CELF2: variants seen among roughly 807,000 people sequenced by gnomAD.
The protein encoded by CELF2 is CUGBP Elav-like family member 2.
In CELF2, 8 loss-of-function variants were observed where a neutral mutation model predicts 62.6. The observed-to-expected ratio is 0.13, with a 90% confidence interval of 0.07 to 0.23. CELF2 has a LOEUF of 0.23. Among genes scored for constraint, CELF2 ranks in the 10% least tolerant of loss-of-function variants. The pLI is 1.00. For missense variants in CELF2, 333 were observed against 671.0 expected (o/e 0.50, Z 5.56); for synonymous variants, 258 against 250.0 (o/e 1.03, Z -0.30).
the CELF2 span, among the ~76,000 whole-genome samples, chr10:10,669,298 C>T: frequency 1.3e-5 from 2 of 152,178 alleles, no homozygotes; most frequent in Non-Finnish European, 2.9e-5. Flanking sequence ...ATATGTGTTG[C>T]TATTTTATGA....
chr10:10,706,008 C>T, the CELF2 span, among the ~76,000 whole-genome samples: 6 of 152,174 alleles, frequency 3.9e-5, no homozygotes, highest in Non-Finnish European at 7.3e-5. Flanking sequence ...ACATCCCAGC[C>T]GGACTGAGCT....
At chr10:10,517,438 C>G in the CELF2 span, among the ~76,000 whole-genome samples, 3 of 152,134 alleles carry the variant, frequency 2.0e-5, no homozygotes, top group African/African-American at 7.2e-5. Flanking sequence ...GGTTGTCAAC[C>G]CTTCACCACC....
chr10:10,630,582 C>A, the CELF2 span, among the ~76,000 whole-genome samples: 1 of 152,132 alleles, frequency 6.6e-6, no homozygotes, highest in Non-Finnish European at 1.5e-5. Context: ...TCACTAGATG[C>A]TGTAAAACGT....
At chr10:10,569,611 G>T in the CELF2 span, among the ~76,000 whole-genome samples, 12 of 152,152 alleles carry the variant, frequency 7.9e-5, no homozygotes, top group African/African-American at 2.9e-4. Flanking sequence ...CAGTTGGGTT[G>T]TGCAGAAGAA....
chr10:11,282,023 G>GGGCGA (rs1480303254), intron 8 of CELF2, among the ~76,000 whole-genome samples: 1 of 152,132 alleles, frequency 6.6e-6, no homozygotes, highest in Admixed American at 6.5e-5. Flanking sequence ...TGTTGTGGTG[G>GGGCGA]GGCGAGCAAG....
At chr10:11,100,958 A>G (rs1174425599) in intron 1 of CELF2, among the ~76,000 whole-genome samples, 1 of 152,228 alleles carries the variant, frequency 6.6e-6, no homozygotes, top group African/African-American at 2.4e-5. Context: ...AGAGGTGTTT[A>G]TTCCACTAAA....
At chr10:10,809,908 TG>T (rs1407937194) in intron 1 of CELF2, among the ~76,000 whole-genome samples, 1 of 152,190 alleles carries the variant, frequency 6.6e-6, no homozygotes, top group Non-Finnish European at 1.5e-5. Context: ...TTGACAACTC[TG>T]AAAACATACC....
the CELF2 span, among the ~76,000 whole-genome samples, chr10:10,534,064 G>A: frequency 6.6e-6 from 1 of 151,866 alleles, no homozygotes; most frequent in African/African-American, 2.4e-5. Context: ...TTTTGAATAG[G>A]AGAAAATAGA....
At chr10:10,673,044 G>A in the CELF2 span, among the ~76,000 whole-genome samples, 1 of 150,558 alleles carries the variant, frequency 6.6e-6, no homozygotes, top group Non-Finnish European at 1.5e-5. Context: ...ATTTTTTTTT[G>A]AGGGCACTAA....
chr10:10,722,593 T>C, the CELF2 span, among the ~76,000 whole-genome samples: 1 of 152,338 alleles, frequency 6.6e-6, no homozygotes, highest in Non-Finnish European at 1.5e-5. Context: ...CAAGATTATT[T>C]TTATAATTAA....
At chr10:10,866,607 CAA>C (rs55875778) in intron 1 of CELF2, among the ~76,000 whole-genome samples, 9,200 of 51,430 alleles carry the variant, frequency 0.18, 206 homozygotes, top group Non-Finnish European at 0.24. Context: ...TCCATCCTCT[CAA>C]AAAAAAAAAA....
the CELF2 span, among the ~76,000 whole-genome samples, chr10:10,755,539 A>G: frequency 6.6e-6 from 1 of 152,174 alleles, no homozygotes; most frequent in South Asian, 2.1e-4. Context: ...TCCTCCTCAG[A>G]TTGGTCTTGA....
chr10:11,017,441 G>A (rs1813455378), upstream of CELF2, among the ~76,000 whole-genome samples: 1 of 152,238 alleles, frequency 6.6e-6, no homozygotes, highest in African/African-American at 2.4e-5. This position sits in a 1 kb window ranked among gnomAD's most constrained non-coding sequence, Gnocchi z 5.5. Flanking sequence ...TTGGGTCATA[G>A]ATCTGATCTT....
chr10:11,327,626 G>A (rs2095821901), intron 12 of CELF2, among the ~76,000 whole-genome samples: 1 of 152,274 alleles, frequency 6.6e-6, no homozygotes, highest in African/African-American at 2.4e-5. Flanking sequence ...CTATCTTGCT[G>A]TTCCTTGATA....
chr10:10,619,272 CCTCA>C, the CELF2 span, among the ~76,000 whole-genome samples: 1 of 152,132 alleles, frequency 6.6e-6, no homozygotes, highest in African/African-American at 2.4e-5. Flanking sequence ...ACTCTCTTAC[CCTCA>C]CTAACTGCCT....
At chr10:11,016,485 T>TA (rs1402508699), upstream of CELF2, among the ~76,000 whole-genome samples, 3 of 152,270 alleles carry the variant, frequency 2.0e-5, no homozygotes, top group Non-Finnish European at 4.4e-5. This position sits in a 1 kb window ranked among gnomAD's most constrained non-coding sequence, Gnocchi z 5.2. Context: ...CCAGGTCTGA[T>TA]ACTTTGTATT....
intron 2 of CELF2, among the ~76,000 whole-genome samples, chr10:11,216,681 T>C (rs962587547): frequency 6.6e-6 from 1 of 152,186 alleles, no homozygotes; most frequent in Non-Finnish European, 1.5e-5. Context: ...GGAAAAAGGA[T>C]ATATGCTGGC....
the CELF2 span, among the ~76,000 whole-genome samples, chr10:10,516,851 C>A: frequency 1.3e-5 from 2 of 152,140 alleles, no homozygotes; most frequent in Non-Finnish European, 2.9e-5. Context: ...TGGAAACTTA[C>A]TCTTCTCAGA....
chr10:10,722,013 A>C, the CELF2 span, among the ~76,000 whole-genome samples: 1 of 152,210 alleles, frequency 6.6e-6, no homozygotes, highest in African/African-American at 2.4e-5. Flanking sequence ...ATATAAACAT[A>C]AAGTGTTGGC....
Sources: gnomAD v4.1 joint callset for allele counts (sites outside exome capture counted in the v4.1 genomes callset) on GRCh38, gnomAD v4.1.1 for gene constraint, Gnocchi (gnomAD v3.1) non-coding constraint, MANE v1.5 for transcripts, NCBI Gene and HGNC (gene_info 2026-07-23, HGNC 2026-07-21) for gene names.